The following FAM171A1 variants were observed in gnomAD, a reference collection of about 807,000 sequenced individuals.
The protein encoded by FAM171A1 is family with sequence similarity 171 member A1.
A neutral mutation model predicts 74.9 loss-of-function variants in FAM171A1; 23 were observed. The observed-to-expected ratio is 0.31, with a 90% confidence interval of 0.22 to 0.44. The LOEUF (loss-of-function observed/expected upper bound fraction) is 0.44. FAM171A1 is among the 20% of genes least tolerant of loss of function. The probability of loss-of-function intolerance (pLI) is 1.00; values close to 1 mark genes in which losing one functional copy is unlikely to be tolerated. For synonymous variants in FAM171A1, 527 were observed against 505.7 expected (o/e 1.04, Z -0.57); for missense variants, 1,162 against 1,159.2 (o/e 1.00, Z -0.03).
At chr10:15,331,309 G>C (rs1835628377) in intron 1 of FAM171A1, among the ~76,000 whole-genome samples, 1 of 152,184 alleles carries the variant, frequency 6.6e-6, no homozygotes, top group South Asian at 2.1e-4. Context: ...TAGAAAAGTT[G>C]AATACTTTCC....
intron 1 of FAM171A1, among the ~76,000 whole-genome samples, chr10:15,335,741 A>G (rs45554838): frequency 0.072 from 11,036 of 152,302 alleles, 511 homozygotes; most frequent in Middle Eastern, 0.11. Context: ...TTCACTTTTC[A>G]GCAGAGGCAA....
intron 5 of FAM171A1, among the ~76,000 whole-genome samples, chr10:15,222,299 T>C (rs1040816285): frequency 6.6e-6 from 1 of 152,176 alleles, no homozygotes; most frequent in African/African-American, 2.4e-5. Context: ...TGAAAATGCA[T>C]TGTTCATCGC....
At chr10:15,225,637 C>T (rs970906737) in intron 5 of FAM171A1, among the ~76,000 whole-genome samples, 3 of 152,134 alleles carry the variant, frequency 2.0e-5, no homozygotes, top group Admixed American at 6.5e-5. Context: ...CTGGTGGTAC[C>T]GGATGGCAGA....
At chr10:15,335,755 G>C (rs1835692762) in intron 1 of FAM171A1, among the ~76,000 whole-genome samples, 1 of 152,300 alleles carries the variant, frequency 6.6e-6, no homozygotes, top group South Asian at 2.1e-4. Flanking sequence ...GAGGCAAACA[G>C]TGTGTACAAT....
chr10:15,265,695 G>T (rs1287809399), intron 3 of FAM171A1, among the ~76,000 whole-genome samples: 1 of 149,256 alleles, frequency 6.7e-6, no homozygotes, highest in African/African-American at 2.5e-5. Context: ...ATTATTCAAT[G>T]AATTACTCAT....
intron 1 of FAM171A1, among the ~76,000 whole-genome samples, chr10:15,334,533 G>C (rs1209878013): frequency 6.6e-6 from 1 of 152,196 alleles, no homozygotes; most frequent in African/African-American, 2.4e-5. Context: ...ATTGAAAGAA[G>C]CCAAACAAAA....
chr10:15,294,473 T>C (rs1564635246), intron 1 of FAM171A1, among the ~76,000 whole-genome samples: 1 of 152,216 alleles, frequency 6.6e-6, no homozygotes, highest in Admixed American at 6.5e-5. Flanking sequence ...CTCTAGCATA[T>C]TCTTCAATTT....
Position 15,214,141 on chromosome 10 carries a change from C to G in FAM171A1, c.1447G>C (p.Asp483His). 1 of 1,614,150 alleles carries G rather than the reference C, an allele frequency of 6.2e-7. No individual in the cohort carries two copies. The highest frequency in any genetic ancestry group is 8.5e-7 in the Non-Finnish European group (1 of 1,180,028). The change falls in exon 8 of 8, where the codon GAT (aspartate) becomes CAT (histidine). Residue 483 changes from aspartate (D) to histidine (H), a missense_variant. Physicochemically the swap from Asp to His is moderately conservative, Grantham distance 81. Transcript: ENST00000378116. ...EREGYESSGN[D>H]DYRGSYNTVL... ...GTGTTGTAACTACCCCTGTAGTCAT[C>G]ATTGCCCGAGGACTCGTAGCCTTCT...
chr10:15,261,786 C>T (rs141358889), intron 3 of FAM171A1, among the ~76,000 whole-genome samples: 168 of 152,128 alleles, frequency 1.1e-3, no homozygotes, highest in African/African-American at 3.9e-3. Flanking sequence ...GGTCCAGGGG[C>T]AGAGGGAGAG....
chr10:15,259,819 T>C (rs1834633112), intron 3 of FAM171A1, among the ~76,000 whole-genome samples: 1 of 151,916 alleles, frequency 6.6e-6, no homozygotes, highest in Admixed American at 6.6e-5. Flanking sequence ...AGTCTGATTG[T>C]TTCTTTCCTT....
At chr10:15,371,418 G>T (rs1408720820), upstream of FAM171A1, among the ~76,000 whole-genome samples, 22 of 138,744 alleles carry the variant, frequency 1.6e-4, 1 homozygote, top group African/African-American at 5.1e-4. Context: ...CCCCCAGCCC[G>T]ACCCCCGGCG....
intron 1 of FAM171A1, among the ~76,000 whole-genome samples, chr10:15,335,277 A>G (rs1274544704): frequency 1.3e-5 from 2 of 152,114 alleles, no homozygotes; most frequent in African/African-American, 2.4e-5. Context: ...ACAAACAAAC[A>G]AACCCAAAAA....
At position 15,311,726 on chromosome 10, in the gene FAM171A1, A is replaced by C. The variant is rs1835361652; in HGVS notation, c.98-27621T>G. Among the ~76,000 whole-genome samples, 3 of 152,284 alleles carry C rather than the reference A, an allele frequency of 2.0e-5. No individual in the cohort carries two copies. In the South Asian group the frequency reaches 6.2e-4, roughly 32 times the overall value. ...TTGCTCTCAAGATAAAGAAGGCGGC[A>C]TCACGTTTTCCCCCTGGAAGAACAG... On this transcript the variant is annotated intron_variant, in intron 1 of 7. Transcript: ENST00000378116.
At chr10:15,307,008 T>C (rs1206073845) in intron 1 of FAM171A1, among the ~76,000 whole-genome samples, 1 of 152,182 alleles carries the variant, frequency 6.6e-6, no homozygotes, top group African/African-American at 2.4e-5. Context: ...TTTCGGTCAC[T>C]GCAGTTCACA....
At chr10:15,365,779 A>G (rs903073180) in intron 1 of FAM171A1, among the ~76,000 whole-genome samples, 2 of 151,140 alleles carry the variant, frequency 1.3e-5, no homozygotes, top group African/African-American at 4.9e-5. Flanking sequence ...AAAAAAAAAA[A>G]AGAGAGAGAA....
At chr10:15,326,893 G>T (rs1465575927) in intron 1 of FAM171A1, among the ~76,000 whole-genome samples, 1 of 152,184 alleles carries the variant, frequency 6.6e-6, no homozygotes, top group Non-Finnish European at 1.5e-5. Flanking sequence ...TTCCTAAAGG[G>T]CTGGGATTAC....
chr10:15,224,796 T>A (rs538257365), intron 5 of FAM171A1, among the ~76,000 whole-genome samples: 1 of 152,150 alleles, frequency 6.6e-6, no homozygotes, highest in Non-Finnish European at 1.5e-5. Flanking sequence ...AATTTCCCAG[T>A]CTCAGGTATG....
At chr10:15,356,306 TG>T (rs1835931701) in intron 1 of FAM171A1, among the ~76,000 whole-genome samples, 1 of 151,814 alleles carries the variant, frequency 6.6e-6, no homozygotes, top group South Asian at 2.1e-4. Context: ...CAATACCTTA[TG>T]TTTATGAGAA....
intron 1 of FAM171A1, among the ~76,000 whole-genome samples, chr10:15,296,143 C>T (rs2131822323): frequency 6.6e-6 from 1 of 152,162 alleles, no homozygotes; most frequent in Middle Eastern, 3.4e-3. Flanking sequence ...AGAGGTTTTC[C>T]TGTGTAATCT....
Sources: gnomAD v4.1 joint callset for allele counts (sites outside exome capture counted in the v4.1 genomes callset) on GRCh38, gnomAD v4.1.1 for gene constraint, MANE v1.5 for transcripts, NCBI Gene and HGNC (gene_info 2026-07-23, HGNC 2026-07-21) for gene names.